MAP3K7: variants seen among roughly 807,000 people sequenced by gnomAD.
The protein encoded by MAP3K7 is mitogen-activated protein kinase kinase kinase 7, also known as TGF-beta activated kinase 1.
Under a neutral mutation model 84.8 loss-of-function variants are expected in MAP3K7, and 21 were observed. The ratio of observed to expected loss-of-function variants is 0.25; its 90% CI spans 0.18 to 0.36. The LOEUF (loss-of-function observed/expected upper bound fraction) is 0.36. Ranked by LOEUF, MAP3K7 falls within the 10% of genes least tolerant of loss-of-function variation. The pLI, the probability that MAP3K7 is intolerant of heterozygous loss-of-function variation, is 1.00. For synonymous variants in MAP3K7, 241 were observed against 247.7 expected (o/e 0.97, Z 0.25); for missense variants, 503 against 747.7 (o/e 0.67, Z 3.82).
intron 8 of MAP3K7, chr6:90,550,871 C>T: frequency 5.3e-6 from 1 of 189,790 alleles, no homozygotes; most frequent in Non-Finnish European, 1.1e-5. Context: ...ATGTAAACTT[C>T]CAGTGACTGT....
rs138726568 is a variant in MAP3K7 at position 90,528,980 on chromosome 6, C to G, written c.1357-5197G>C. ...CTTCTCCTTGTTAATCCTTCCCCACCCTGTAAGGCCCAGCTCAGGTTTTCT... is the reference window on the plus strand; with the variant it reads ...CTTCTCCTTGTTAATCCTTCCCCACGCTGTAAGGCCCAGCTCAGGTTTTCT... On this transcript the variant is annotated intron_variant, in intron 13 of 16. Coordinates refer to ENST00000369329, the MANE Select transcript of MAP3K7 (RefSeq NM_145331.3). 2.3e-3 allele frequency among the ~76,000 whole-genome samples: 347 copies of G among 152,270 alleles called. 1 individual carries two copies. Among genetic ancestry groups the G allele is most frequent in the Non-Finnish European group, 3.8e-3 (259 of 68,022 alleles).
intron 4 of MAP3K7, among the ~76,000 whole-genome samples, chr6:90,560,780 T>C (rs903167132): frequency 6.6e-6 from 1 of 152,160 alleles, no homozygotes; most frequent in Non-Finnish European, 1.5e-5. Flanking sequence ...TGAAGTAAAA[T>C]CAATATACAT....
chr6:90,580,359 A>C (rs1777229396), intron 1 of MAP3K7, among the ~76,000 whole-genome samples: 1 of 152,262 alleles, frequency 6.6e-6, no homozygotes. Context: ...CACTGAAAGA[A>C]GGCCACTTTT....
At chr6:90,570,001 T>C (rs7769929) in intron 2 of MAP3K7, among the ~76,000 whole-genome samples, 6,823 of 152,200 alleles carry the variant, frequency 0.045, 249 homozygotes, top group Non-Finnish European at 0.07. Context: ...GGATTTTTCG[T>C]CCAATAGAAT....
chr6:90,514,722 G>A lies in MAP3K7; in HGVS notation c.*1779C>T, dbSNP rs1441091652. 1 of 151,972 alleles carries A rather than the reference G, an allele frequency of 6.6e-6. No individual in the cohort carries two copies. The highest frequency in any genetic ancestry group is 1.9e-4 in the East Asian group (1 of 5,188). 9.4% of individuals were successfully genotyped at this position (151,972 alleles called of 1,614,324 possible). A position where few individuals can be genotyped will look rare whatever the true frequency, so the allele number is the denominator to read the frequency against. ...CTAGGTCCCTTTCAGTGGAGTGACA[G>A]ATGTACATACAAGCAACAATGCTAT... On this transcript the variant is annotated 3_prime_UTR_variant, in exon 17 of 17. Transcript: ENST00000369329.
intron 2 of MAP3K7, among the ~76,000 whole-genome samples, chr6:90,569,900 T>A (rs981212639): frequency 6.6e-6 from 1 of 152,206 alleles, no homozygotes; most frequent in Non-Finnish European, 1.5e-5. Flanking sequence ...ACATACATTA[T>A]GCTGCTGGCT....
At chr6:90,564,073 A>C (rs576000007) in intron 3 of MAP3K7, among the ~76,000 whole-genome samples, 19 of 152,342 alleles carry the variant, frequency 1.2e-4, no homozygotes, top group African/African-American at 4.3e-4. Flanking sequence ...AGGAAGCACT[A>C]AACATGGAAA....
intron 1 of MAP3K7, 116 bp downstream of exon 1, chr6:90,586,648 C>T: frequency 7.1e-7 from 1 of 1,400,950 alleles, no homozygotes; most frequent in South Asian, 1.4e-5. Flanking sequence ...CCCGGGTGGA[C>T]CCCGCAGGGT....
At position 90,563,671 on chromosome 6, in the gene MAP3K7, C is replaced by T. The variant is rs151050489; in HGVS notation, c.298-2004G>A. Reference sequence around the variant, plus strand: ...TCAGGATAATCCAGGAGAACTTCCCCAACCTAGCAACGCAGGCCAACATTC... The same window carrying T: ...TCAGGATAATCCAGGAGAACTTCCCTAACCTAGCAACGCAGGCCAACATTC... On this transcript the variant is annotated intron_variant, in intron 3 of 16. Transcript: ENST00000369329. Among the ~76,000 whole-genome samples, 564 of 152,290 alleles carry T rather than the reference C, an allele frequency of 3.7e-3. 3 individuals are homozygous for T. Among genetic ancestry groups the T allele is most frequent in the African/African-American group, 0.013 (550 of 41,560 alleles).
At chr6:90,519,610 AAC>A (rs898344577) in intron 14 of MAP3K7, among the ~76,000 whole-genome samples, 16 of 152,088 alleles carry the variant, frequency 1.1e-4, no homozygotes, top group African/African-American at 3.9e-4. Context: ...TAAAAACAAA[AAC>A]AGTGATGAGA....
At chr6:90,552,283 G>A in intron 7 of MAP3K7, 104 bp from the exon 8 acceptor site, 1 of 1,079,692 alleles carries the variant, frequency 9.3e-7, no homozygotes, top group Non-Finnish European at 1.3e-6. Flanking sequence ...TATAGATCTT[G>A]TAGTTTAAGA....
intron 1 of MAP3K7, 30 bp from the exon 2 acceptor site, chr6:90,571,837 C>G (rs1562108085): frequency 8.1e-7 from 1 of 1,237,808 alleles, no homozygotes; most frequent in East Asian, 2.5e-5. Context: ...AAAAAACAAA[C>G]AAAAAACACC....
At chr6:90,567,774 T>G (rs1776759293) in intron 3 of MAP3K7, among the ~76,000 whole-genome samples, 2 of 152,270 alleles carry the variant, frequency 1.3e-5, no homozygotes, top group Admixed American at 1.3e-4. Flanking sequence ...GTATGTTTAC[T>G]GTGGCACTAT....
Position 90,550,556 on chromosome 6 carries a change from A to T in MAP3K7, c.868-7T>A. The T allele has an allele frequency of 6.4e-7, 1 of 1,566,588 alleles. No homozygotes were observed. The highest frequency in any genetic ancestry group is 1.1e-5 in the South Asian group (1 of 87,792). On this transcript the variant is annotated splice_region_variant and splice_polypyrimidine_tract_variant and intron_variant, in intron 8 of 16. Transcript: ENST00000369329. ...CATCTGCTCCTGGAAAGTACTATATATAAAAAAGTAAACCACAGCTTAAAA... is the reference window on the plus strand; with the variant it reads ...CATCTGCTCCTGGAAAGTACTATATTTAAAAAAGTAAACCACAGCTTAAAA...
intron 1 of MAP3K7, among the ~76,000 whole-genome samples, chr6:90,580,721 C>T (rs1777241763): frequency 1.3e-5 from 2 of 152,276 alleles, no homozygotes; most frequent in South Asian, 4.1e-4. Flanking sequence ...TCACACACAT[C>T]CAACTAAAAT....
chr6:90,518,616 C>CTAAGATGAGAGTCAAGACAGAGA, intron 15 of MAP3K7, 54 bp from the exon 16 acceptor site: 1 of 894,474 alleles, frequency 1.1e-6, no homozygotes, highest in East Asian at 2.5e-5. Flanking sequence ...CAATATCTAG[C>CTAAGATGAGAGTCAAGACAGAGA]TAAGATGAGA....
At chr6:90,550,789 G>C (rs1008052996) in intron 8 of MAP3K7, 27 of 344,012 alleles carry the variant, frequency 7.8e-5, no homozygotes, top group African/African-American at 1.7e-4. Flanking sequence ...TATTTCTCTA[G>C]AGAAACATAT....
intron 1 of MAP3K7, 108 bp downstream of exon 1, chr6:90,586,656 G>C: frequency 7.0e-7 from 1 of 1,435,906 alleles, no homozygotes; most frequent in South Asian, 1.4e-5. Flanking sequence ...GACCCCGCAG[G>C]GTCCCGCGAA....
Position 90,536,390 on chromosome 6 carries a change from G to C in MAP3K7, c.1303C>G (p.Pro435Ala). ...PEIVISGNGQ[P>A]RRRSIQDLTV... ...AAGTCTTGGATGGATCTACGTCTTG[G>C]CTGTCCGTTGCCTTTAAAAAGAAGA... is the stretch of plus-strand genomic sequence containing the variant. Residue 435 changes from proline (P) to alanine (A), a missense_variant, in exon 13 of 17, where the codon CCA (proline) becomes GCA (alanine). By Grantham distance (27) the Pro-to-Ala change is conservative. Transcript: ENST00000369329. The C allele has an allele frequency of 1.2e-6, 2 of 1,611,466 alleles. No individual in the cohort carries two copies. Among genetic ancestry groups the C allele is most frequent in the Non-Finnish European group, 1.7e-6 (2 of 1,178,250 alleles).
Sources: gnomAD v4.1 joint callset for allele counts (sites outside exome capture counted in the v4.1 genomes callset) on GRCh38, gnomAD v4.1.1 for gene constraint, MANE v1.5 for transcripts, NCBI Gene and HGNC (gene_info 2026-07-23, HGNC 2026-07-21) for gene names.